CA10: variants seen among roughly 807,000 people sequenced by gnomAD.
CA10 encodes carbonic anhydrase-related protein 10.
CA10 carries 14 observed loss-of-function variants against 44.2 expected under a neutral mutation model. That is an observed-to-expected ratio of 0.32 (90% confidence interval 0.21 to 0.50). The LOEUF is 0.50. CA10 is among the 20% of genes least tolerant of loss of function. CA10 has a pLI of 0.99. For synonymous variants in CA10, 159 were observed against 141.6 expected, an observed-to-expected ratio of 1.12 and a Z score of -0.87; for missense variants, 350 against 409.7, an observed-to-expected ratio of 0.85 and a Z score of 1.26.
chr17:51,813,941 T>C (rs1907470437), intron 3 of CA10, among the ~76,000 whole-genome samples: 1 of 152,246 alleles, frequency 6.6e-6, no homozygotes, highest in South Asian at 2.1e-4. Context: ...CTTATGCCAC[T>C]GTTTAATTTT....
intron 2 of CA10, among the ~76,000 whole-genome samples, chr17:51,955,302 T>C (rs1217644917): frequency 6.6e-6 from 1 of 152,138 alleles, no homozygotes; most frequent in Non-Finnish European, 1.5e-5. Flanking sequence ...TCCTTCAGAA[T>C]GCTAAACAGG....
intron 2 of CA10, among the ~76,000 whole-genome samples, chr17:52,040,754 G>T (rs1986746131): frequency 6.6e-6 from 1 of 152,032 alleles, no homozygotes; most frequent in Non-Finnish European, 1.5e-5. Context: ...GAGAGACCAA[G>T]GCAGCTAGAA....
rs201187222 is a variant in CA10 at position 52,157,717 on chromosome 17, G to A, written c.61+9C>T. ...CCAAATCAGCCAGTGACTTCGGCGC[G>A]TCCCGTACCTGATATGCAGACGATG... On this transcript the variant is annotated intron_variant, in intron 1 of 8. Transcript: ENST00000451037. 1.9e-6 allele frequency: 3 copies of A among 1,613,216 alleles called. No individual in the cohort carries two copies. Among genetic ancestry groups the A allele is most frequent in the African/African-American group, 2.7e-5 (2 of 74,994 alleles).
At chr17:51,844,307 A>G (rs1386403046) in intron 3 of CA10, among the ~76,000 whole-genome samples, 1 of 152,240 alleles carries the variant, frequency 6.6e-6, no homozygotes, top group East Asian at 1.9e-4. Flanking sequence ...GTCAAAATTA[A>G]GTAAAGAATA....
At chr17:51,868,495 A>G (rs1979651081) in intron 3 of CA10, among the ~76,000 whole-genome samples, 2 of 152,152 alleles carry the variant, frequency 1.3e-5, no homozygotes, top group Non-Finnish European at 2.9e-5. Context: ...TTTATCCCAG[A>G]ACTGACCTTA....
chr17:51,831,698 A>AGCGGCG (rs1567854587), intron 3 of CA10, among the ~76,000 whole-genome samples: 3 of 81,700 alleles, frequency 3.7e-5, no homozygotes, highest in Admixed American at 2.4e-4. Context: ...CAGCAGCAGC[A>AGCGGCG]GCAGCAGCAG....
At chr17:51,980,676 T>A (rs1452165039) in intron 2 of CA10, among the ~76,000 whole-genome samples, 4 of 152,126 alleles carry the variant, frequency 2.6e-5, no homozygotes, top group Non-Finnish European at 5.9e-5. Flanking sequence ...CTTTAATCTA[T>A]CTTGAGTTGG....
At chr17:52,032,736 C>T (rs2144176065) in intron 2 of CA10, among the ~76,000 whole-genome samples, 1 of 152,240 alleles carries the variant, frequency 6.6e-6, no homozygotes, top group African/African-American at 2.4e-5. Flanking sequence ...TATTGGAAGT[C>T]AGGCACGTTG....
chr17:51,781,486 G>A (rs1439412281), intron 3 of CA10, among the ~76,000 whole-genome samples: 2 of 152,176 alleles, frequency 1.3e-5, no homozygotes, highest in African/African-American at 4.8e-5. Context: ...GTCCAGAGGG[G>A]AAGTCTTCAA....
At chr17:51,852,203 G>T (rs1377125874) in intron 3 of CA10, among the ~76,000 whole-genome samples, 4 of 152,142 alleles carry the variant, frequency 2.6e-5, no homozygotes, top group African/African-American at 9.7e-5. Context: ...TTGTTTGCAA[G>T]ACAGTATCAG....
chr17:51,641,171 C>T (rs199558433), intron 6 of CA10, among the ~76,000 whole-genome samples: 71 of 19,044 alleles, frequency 3.7e-3, no homozygotes, highest in South Asian at 0.022. Context: ...TCTCTCCTCT[C>T]TCTCTCTCTC....
chr17:51,892,929 C>A (rs1980920963), intron 3 of CA10, among the ~76,000 whole-genome samples: 1 of 152,070 alleles, frequency 6.6e-6, no homozygotes, highest in Non-Finnish European at 1.5e-5. Flanking sequence ...CATTATGTGT[C>A]AAAAATAAAC....
intron 2 of CA10, among the ~76,000 whole-genome samples, chr17:51,987,570 G>A (rs1161774565): frequency 1.3e-5 from 2 of 151,798 alleles, no homozygotes; most frequent in African/African-American, 4.8e-5. Context: ...AAAAAAGGAT[G>A]AGGAAATATT....
intron 2 of CA10, among the ~76,000 whole-genome samples, chr17:51,942,309 G>T: frequency 6.6e-6 from 1 of 151,814 alleles, no homozygotes. Context: ...CAACACAACT[G>T]GTCACCAAAG....
intron 3 of CA10, among the ~76,000 whole-genome samples, chr17:51,865,565 T>TG (rs112794109): frequency 3.3e-5 from 5 of 152,078 alleles, no homozygotes; most frequent in African/African-American, 4.8e-5. Flanking sequence ...AGGGAGCCGG[T>TG]GGGGGGGAAC....
intron 3 of CA10, among the ~76,000 whole-genome samples, chr17:51,796,633 A>G (rs1279424651): frequency 6.6e-6 from 1 of 152,206 alleles, no homozygotes; most frequent in African/African-American, 2.4e-5. Context: ...AATAGTCACA[A>G]AATTGTATTG....
chr17:51,942,718 A>C (rs1477778194), intron 2 of CA10, among the ~76,000 whole-genome samples: 1 of 151,948 alleles, frequency 6.6e-6, no homozygotes, highest in Non-Finnish European at 1.5e-5. Flanking sequence ...ATGACATGAG[A>C]GCTTGGCAGA....
chr17:51,795,361 A>G (rs1906666681), intron 3 of CA10, among the ~76,000 whole-genome samples: 1 of 152,206 alleles, frequency 6.6e-6, no homozygotes, highest in African/African-American at 2.4e-5. Flanking sequence ...TGTTCTCACT[A>G]ATGTGTTCTG....
intron 3 of CA10, among the ~76,000 whole-genome samples, chr17:51,824,232 T>C (rs1598064319): frequency 6.6e-6 from 1 of 152,196 alleles, no homozygotes; most frequent in Admixed American, 6.5e-5. Flanking sequence ...AAATTACCCA[T>C]GGTAACGTAT....
Sources: gnomAD v4.1 joint callset for allele counts (sites outside exome capture counted in the v4.1 genomes callset) on GRCh38, gnomAD v4.1.1 for gene constraint, MANE v1.5 for transcripts, NCBI Gene and HGNC (gene_info 2026-07-23, HGNC 2026-07-21) for gene names.